TTC29: variants seen among roughly 807,000 people sequenced by gnomAD.
TTC29 encodes tetratricopeptide repeat domain 29.
In TTC29, 49 loss-of-function variants were observed where a neutral mutation model predicts 58.1. The observed-to-expected ratio is 0.84, with a 90% CI of 0.67 to 1.07. TTC29 has a LOEUF of 1.07. Among genes scored for constraint, TTC29 ranks in the 50% least tolerant of loss-of-function variants. The pLI is 0.00. For synonymous variants in TTC29, 209 were observed against 196.8 expected (o/e 1.06, Z -0.52); for missense variants, 582 against 555.6 (o/e 1.05, Z -0.48).
intron 6 of TTC29, among the ~76,000 whole-genome samples, chr4:146,898,749 G>C (rs922896503): frequency 2.0e-5 from 3 of 152,168 alleles, no homozygotes; most frequent in Admixed American, 1.3e-4. Context: ...AAGCTAATGG[G>C]TTGAAATGGA....
intron 5 of TTC29, among the ~76,000 whole-genome samples, chr4:146,907,551 C>T (rs542243595): frequency 2.0e-5 from 3 of 152,206 alleles, no homozygotes; most frequent in East Asian, 1.9e-4. Flanking sequence ...CAAGCTGGAG[C>T]GCAATGGAGC....
chr4:146,932,269 T>C (rs1735393719), intron 4 of TTC29, among the ~76,000 whole-genome samples: 1 of 152,188 alleles, frequency 6.6e-6, no homozygotes. Flanking sequence ...GGTTCTTCCT[T>C]CTCCTGCCCA....
intron 11 of TTC29, among the ~76,000 whole-genome samples, chr4:146,802,086 A>T (rs1750272319): frequency 6.9e-6 from 1 of 145,326 alleles, no homozygotes; most frequent in South Asian, 2.3e-4. Flanking sequence ...TTTCAGGAGT[A>T]TTTTTTTTTT....
intron 4 of TTC29, among the ~76,000 whole-genome samples, chr4:146,929,510 C>G (rs1376464680): frequency 6.6e-6 from 1 of 152,264 alleles, no homozygotes; most frequent in East Asian, 1.9e-4. Context: ...TATAGGCAAG[C>G]TAGTTAAATA....
intron 6 of TTC29, among the ~76,000 whole-genome samples, chr4:146,888,463 G>T (rs1037200927): frequency 3.3e-5 from 5 of 152,074 alleles, no homozygotes; most frequent in Non-Finnish European, 7.4e-5. Context: ...AGTTTTACAT[G>T]GGGATTCACT....
rs1486941684 is a variant in TTC29 at position 146,710,745 on chromosome 4, C to T, written c.1331-3194G>A. 2.0e-5 allele frequency among the ~76,000 whole-genome samples: 3 copies of T among 152,182 alleles called. No individual in the cohort carries two copies. The South Asian group carries it at 6.2e-4, about 32-fold the overall frequency. On this transcript the variant is annotated intron_variant, in intron 11 of 12. Coordinates refer to ENST00000325106, the MANE Select transcript of TTC29 (RefSeq NM_031956.4). ...GTGTGATATTTGCTTATACGATCTA[C>T]ATTTCAGTAGAAATTGGCACTTCTT...
chr4:146,909,060 A>G lies in TTC29; in HGVS notation c.366T>C (p.His122=), dbSNP rs762302421. 9.9e-6 allele frequency: 16 copies of G among 1,613,732 alleles called. No individual in the cohort carries two copies. Among genetic ancestry groups the G allele is most frequent in the Admixed American group, 6.7e-5 (4 of 59,984 alleles). The change falls in exon 5 of 13, where the codon CAT becomes CAC. Residue 122 remains histidine (H), a synonymous_variant. Coordinates refer to ENST00000325106, the MANE Select transcript of TTC29 (RefSeq NM_031956.4). ...CAGCGTCCTCAGCCCTGGTCAGGTA[A>G]TGGTACAGGTAATCCAGTTTATCAG... ...EQPDKLDYLY[H]YLTRAEDAER...
At position 146,909,058 on chromosome 4, in the gene TTC29, T is replaced by C. The variant is rs1487163628; in HGVS notation, c.368A>G (p.Tyr123Cys). 1.9e-6 allele frequency: 3 copies of C among 1,613,932 alleles called. No homozygotes were observed. Among genetic ancestry groups the C allele is most frequent in the Non-Finnish European group, 2.5e-6 (3 of 1,179,856 alleles). The change falls in exon 5 of 13, where the codon TAC (tyrosine) becomes TGC (cysteine). Residue 123 changes from tyrosine (Y) to cysteine (C), a missense_variant. Tyr to Cys is a radical substitution (Grantham distance 194). Transcript: ENST00000325106. ...QPDKLDYLYH[Y>C]LTRAEDAERK... ...CTCAGCGTCCTCAGCCCTGGTCAGG[T>C]AATGGTACAGGTAATCCAGTTTATC...
At chr4:146,912,129 T>C (rs1733938394) in intron 4 of TTC29, among the ~76,000 whole-genome samples, 1 of 152,104 alleles carries the variant, frequency 6.6e-6, no homozygotes, top group African/African-American at 2.4e-5. Flanking sequence ...CAAAAAAATC[T>C]CATAGCCTTT....
At chr4:146,801,682 A>G (rs1311648758) in intron 11 of TTC29, among the ~76,000 whole-genome samples, 1 of 152,184 alleles carries the variant, frequency 6.6e-6, no homozygotes, top group Non-Finnish European at 1.5e-5. Flanking sequence ...TACAGAATAA[A>G]GAAAAACAAA....
intron 10 of TTC29, among the ~76,000 whole-genome samples, chr4:146,811,491 T>C (rs1751021477): frequency 6.6e-6 from 1 of 151,960 alleles, no homozygotes; most frequent in Admixed American, 6.6e-5. Context: ...GGCTCCACCA[T>C]CTCCTCCCTT....
At chr4:146,841,878 G>T (rs1268285238) in intron 8 of TTC29, among the ~76,000 whole-genome samples, 3 of 152,080 alleles carry the variant, frequency 2.0e-5, no homozygotes, top group African/African-American at 7.2e-5. Context: ...AGCCTACCTT[G>T]AAGGGGTGTT....
At chr4:146,708,320 A>ATATATATATATACATG (rs1561046674) in intron 11 of TTC29, among the ~76,000 whole-genome samples, 1 of 29,044 alleles carries the variant, frequency 3.4e-5, no homozygotes, top group African/African-American at 6.7e-5. Flanking sequence ...ATATATATAT[A>ATATATATATATACATG]TATATATATA....
chr4:146,820,035 CA>C, intron 10 of TTC29, 89 bp downstream of exon 10: 1 of 1,529,770 alleles, frequency 6.5e-7, no homozygotes. Flanking sequence ...TGTGGGAAGA[CA>C]AGGATGACAT....
intron 10 of TTC29, among the ~76,000 whole-genome samples, chr4:146,810,907 C>G (rs1302684802): frequency 1.3e-5 from 2 of 152,028 alleles, no homozygotes; most frequent in African/African-American, 4.8e-5. Context: ...TCATTTCAGC[C>G]AAGTCATTTA....
Position 146,741,148 on chromosome 4 carries a change from T to A in TTC29, c.1331-33597A>T, listed in dbSNP as rs539397456. Among the ~76,000 whole-genome samples the A allele has an allele frequency of 3.9e-5, 6 of 152,360 alleles. No homozygotes were observed. The East Asian group carries it at 9.6e-4, about 24-fold the overall frequency. ...TAGAAGAATCTTTGTTTTGACATTT[T>A]GAGAAGAAGGCCATTTTAGTGCAAA... On this transcript the variant is annotated intron_variant, in intron 11 of 12. Transcript: ENST00000325106.
At chr4:146,837,225 T>C (rs977414238) in intron 8 of TTC29, among the ~76,000 whole-genome samples, 13 of 152,094 alleles carry the variant, frequency 8.5e-5, no homozygotes, top group African/African-American at 3.1e-4. Flanking sequence ...CCATTATCTT[T>C]AGTAAACTAG....
chr4:146,894,496 C>T (rs1732621531), intron 6 of TTC29, among the ~76,000 whole-genome samples: 1 of 133,696 alleles, frequency 7.5e-6, no homozygotes, highest in Non-Finnish European at 1.5e-5. Flanking sequence ...CATGTGGACA[C>T]AGGAAGGGGA....
intron 11 of TTC29, among the ~76,000 whole-genome samples, chr4:146,716,209 C>T (rs1362674532): frequency 6.6e-6 from 1 of 152,088 alleles, no homozygotes; most frequent in African/African-American, 2.4e-5. Context: ...AAAGAAATGA[C>T]CATTTCATTA....
Sources: allele counts gnomAD v4.1 joint callset (sites outside exome capture counted in the v4.1 genomes callset), GRCh38; gene constraint gnomAD v4.1.1; transcripts MANE v1.5; gene names NCBI Gene and HGNC (gene_info 2026-07-23, HGNC 2026-07-21).